The following UFL1 variants were observed in gnomAD, a reference collection of about 807,000 sequenced individuals.
UFL1 encodes the protein E3 UFM1-protein ligase 1.
UFL1 carries 78 observed loss-of-function variants against 99.3 expected under a neutral mutation model. That is an observed-to-expected ratio of 0.79 (90% CI 0.65 to 0.95). The LOEUF is 0.95. Among genes scored for constraint, UFL1 ranks in the 40% least tolerant of loss-of-function variants. The probability of loss-of-function intolerance (pLI) is 0.00; values close to 1 mark genes in which losing one functional copy is unlikely to be tolerated. For synonymous variants in UFL1, 335 were observed against 322.2 expected, an observed-to-expected ratio of 1.04 and a Z score of -0.42; for missense variants, 936 against 937.0, an observed-to-expected ratio of 1.00 and a Z score of 0.01.
chr6:96,552,055 G>A (rs1033105050), intron 17 of UFL1, 132 bp downstream of exon 17: 5 of 585,862 alleles, frequency 8.5e-6, no homozygotes, highest in Admixed American at 6.6e-5. Context: ...CTAAATGGCT[G>A]TAGACCTTCA....
At chr6:96,551,805 A>G (rs765618246) in intron 16 of UFL1, 33 bp from the exon 17 acceptor site, 18 of 1,408,646 alleles carry the variant, frequency 1.3e-5, no homozygotes, top group Admixed American at 2.1e-5. Flanking sequence ...AGTTATATAT[A>G]AAAGTAAATT....
At chr6:96,551,386 G>T in intron 15 of UFL1, 47 bp from the exon 16 acceptor site, 1 of 1,007,252 alleles carries the variant, frequency 9.9e-7, no homozygotes, top group Non-Finnish European at 1.5e-6. Context: ...TATATCCATT[G>T]CATGTCAAAA....
chr6:96,551,806 A>G lies in UFL1; in HGVS notation c.1900-32A>G, dbSNP rs773627744. 7 of 1,417,498 alleles carry G rather than the reference A, an allele frequency of 4.9e-6. No individual in the cohort carries two copies. In the African/African-American group the frequency reaches 7.2e-5, roughly 15 times the overall value. 87.8% of individuals were successfully genotyped at this position (1,417,498 alleles called of 1,614,324 possible). ...ATACTTCCTTATGCAGTTATATATAAAAGTAAATTATGGTATTCAATGCCT... is the reference window on the plus strand; with the variant it reads ...ATACTTCCTTATGCAGTTATATATAGAAGTAAATTATGGTATTCAATGCCT... On this transcript the variant is annotated intron_variant, in intron 16 of 18. Transcript: ENST00000369278.
chr6:96,545,233 G>C (rs777769131), intron 12 of UFL1, among the ~76,000 whole-genome samples: 1 of 150,820 alleles, frequency 6.6e-6, no homozygotes, highest in Non-Finnish European at 1.5e-5. Flanking sequence ...TAAAGTTTTT[G>C]CTTATAGAAT....
At position 96,524,373 on chromosome 6, in the gene UFL1, T is replaced by C; in HGVS notation, c.224-9T>C. 6.3e-7 allele frequency: 1 copy of C among 1,589,000 alleles called. No homozygotes were observed. The highest frequency in any genetic ancestry group is 8.5e-7 in the Non-Finnish European group (1 of 1,170,516). The stretch of plus-strand genomic sequence containing the variant: ...TCATTTAAAATAAATGAATGTCTTT[T>C]CTTCAAAGGTCGAGTAAACATTGTT... On this transcript the variant is annotated splice_polypyrimidine_tract_variant and intron_variant, in intron 2 of 18. Transcript: ENST00000369278.
Position 96,555,222 on chromosome 6 carries a change from C to G in UFL1, c.*1719C>G, listed in dbSNP as rs1414432776. The G allele has an allele frequency of 6.6e-6, 1 of 151,962 alleles. No individual in the cohort carries two copies. The allele number at this position is 151,962 out of a possible 1,614,324, so 9.4% of individuals were successfully genotyped here. ...AAAATTATTGTATGTTTACTGTGATCTTAATGGGCAGGGTTAAGAAAGTTA... is the reference window on the plus strand; with the variant it reads ...AAAATTATTGTATGTTTACTGTGATGTTAATGGGCAGGGTTAAGAAAGTTA... On this transcript the variant is annotated 3_prime_UTR_variant, in exon 19 of 19. Coordinates refer to ENST00000369278, the MANE Select transcript of UFL1 (RefSeq NM_015323.5).
intron 12 of UFL1, among the ~76,000 whole-genome samples, chr6:96,547,816 G>A (rs141472960): frequency 4.6e-5 from 7 of 151,276 alleles, no homozygotes; most frequent in South Asian, 4.2e-4. Flanking sequence ...GTTGGGGGGG[G>A]GCGGTATGTG....
chr6:96,550,720 G>A (rs1291244358), intron 15 of UFL1, among the ~76,000 whole-genome samples: 1 of 151,894 alleles, frequency 6.6e-6, no homozygotes, highest in African/African-American at 2.4e-5. Context: ...ACAGTTTCAT[G>A]TCTCCTGCCC....
Position 96,542,951 on chromosome 6 carries a change from A to C in UFL1, c.1337A>C (p.Lys446Thr). 6.2e-7 allele frequency: 1 copy of C among 1,603,468 alleles called. No homozygotes were observed. The highest frequency in any genetic ancestry group is 2.2e-5 in the East Asian group (1 of 44,510). ...GGGNAREYKI[K>T]KVKKKGRKDD... ...GGCAATGCCAGAGAGTACAAAATTA[A>C]AAAAGTCAAGAAGAAAGGAAGAAAA... The change falls in exon 12 of 19, where the codon AAA becomes ACA. Residue 446 changes from lysine (K) to threonine (T), a missense_variant. Coordinates refer to ENST00000369278, the MANE Select transcript of UFL1 (RefSeq NM_015323.5).
At chr6:96,538,148 TGTGCCA>T (rs1456707959) in intron 9 of UFL1, among the ~76,000 whole-genome samples, 2 of 151,794 alleles carry the variant, frequency 1.3e-5, no homozygotes, top group African/African-American at 4.8e-5. Flanking sequence ...CTACCTTCTG[TGTGCCA>T]GGCACCGTTC....
rs1769953619 is a variant in UFL1 at position 96,543,075 on chromosome 6, T to C, written c.1402+59T>C. The C allele has an allele frequency of 4.6e-6, 7 of 1,527,542 alleles. No homozygotes were observed. The South Asian group carries it at 9.2e-5, about 20-fold the overall frequency. 94.6% of individuals were successfully genotyped at this position (1,527,542 alleles called of 1,614,324 possible). A position where few individuals can be genotyped will look rare whatever the true frequency, so the allele number is the denominator to read the frequency against. On this transcript the variant is annotated intron_variant, in intron 12 of 18. Coordinates refer to ENST00000369278, the MANE Select transcript of UFL1 (RefSeq NM_015323.5). ...TGTGTGATATTTGTAACATATTTTC[T>C]TAAGATGTATATAATTAGGTATATA... is the stretch of plus-strand genomic sequence containing the variant.
chr6:96,553,246 A>G, intron 18 of UFL1, 39 bp from the exon 19 acceptor site: 1 of 1,574,306 alleles, frequency 6.4e-7, no homozygotes, highest in Non-Finnish European at 8.7e-7. Context: ...CCACAAAAAG[A>G]TAAATTGTGT....
At chr6:96,525,035 T>C (rs74992148) in intron 3 of UFL1, among the ~76,000 whole-genome samples, 6 of 152,128 alleles carry the variant, frequency 3.9e-5, no homozygotes, top group African/African-American at 1.4e-4. Context: ...TTATTTCAGA[T>C]TGATTCAAAA....
chr6:96,523,716 CTCAA>C (rs1769659881), intron 2 of UFL1, among the ~76,000 whole-genome samples: 1 of 152,136 alleles, frequency 6.6e-6, no homozygotes, highest in Non-Finnish European at 1.5e-5. Context: ...AATTAGGTAA[CTCAA>C]TCCAGTGTGG....
rs1769669994 is a variant in UFL1, at chr6:96,524,363, G to A, written c.224-19G>A. The A allele has an allele frequency of 6.3e-7, 1 of 1,586,056 alleles. No individual in the cohort carries two copies. Among genetic ancestry groups the A allele is most frequent in the Non-Finnish European group, 8.6e-7 (1 of 1,168,832 alleles). ...TACGCATAGATCATTTAAAATAAAT[G>A]AATGTCTTTTCTTCAAAGGTCGAGT... On this transcript the variant is annotated intron_variant, in intron 2 of 18. Transcript: ENST00000369278.
At chr6:96,522,617 T>C (rs1769634472) in intron 1 of UFL1, among the ~76,000 whole-genome samples, 1 of 152,188 alleles carries the variant, frequency 6.6e-6, no homozygotes, top group Admixed American at 6.5e-5. Flanking sequence ...GCAATCCCCT[T>C]ATGCTGTATT....
In UFL1 at chr6:96,553,524, C is replaced by A; in HGVS notation, c.*21C>A. On this transcript the variant is annotated 3_prime_UTR_variant, in exon 19 of 19. Transcript: ENST00000369278. Reference sequence around the variant, plus strand: ...AGTAATGATCTTAATTTACATTTGTCATATAGTAAGCATTTTCCCCCAAGG... The same window carrying A: ...AGTAATGATCTTAATTTACATTTGTAATATAGTAAGCATTTTCCCCCAAGG... 6.2e-7 allele frequency: 1 copy of A among 1,603,928 alleles called. No homozygotes were observed. Among genetic ancestry groups the A allele is most frequent in the South Asian group, 1.1e-5 (1 of 90,064 alleles).
At position 96,537,566 on chromosome 6, in the gene UFL1, C is replaced by A; in HGVS notation, c.978+17C>A. On this transcript the variant is annotated intron_variant, in intron 9 of 18. Coordinates refer to ENST00000369278, the MANE Select transcript of UFL1 (RefSeq NM_015323.5). ...GATATTGCAGTATGTTTTATCTTTTCCTCACTTTTCTTTAAACAGTGACAA... is the reference window on the plus strand; with the variant it reads ...GATATTGCAGTATGTTTTATCTTTTACTCACTTTTCTTTAAACAGTGACAA... 6 of 1,549,764 alleles carry A rather than the reference C, an allele frequency of 3.9e-6. No homozygotes were observed. Among genetic ancestry groups the A allele is most frequent in the Non-Finnish European group, 5.2e-6 (6 of 1,154,294 alleles).
intron 12 of UFL1, among the ~76,000 whole-genome samples, chr6:96,547,551 A>G (rs755410836): frequency 1.3e-5 from 2 of 151,722 alleles, no homozygotes; most frequent in Non-Finnish European, 3.0e-5. Context: ...CACGATAGCA[A>G]AGTCATAGAA....
Sources: allele counts gnomAD v4.1 joint callset (sites outside exome capture counted in the v4.1 genomes callset), GRCh38; gene constraint gnomAD v4.1.1; transcripts MANE v1.5; gene names NCBI Gene and HGNC (gene_info 2026-07-23, HGNC 2026-07-21).